Variants in CBFA2T3 observed in about 807,000 individuals in gnomAD.
CBFA2T3 encodes the protein transcriptional corepressor CBFA2T3.
In CBFA2T3, 31 loss-of-function variants were observed where a neutral mutation model predicts 58.6. The ratio of observed to expected loss-of-function variants is 0.53; its 90% CI spans 0.40 to 0.71. The LOEUF (loss-of-function observed/expected upper bound fraction) is 0.71. CBFA2T3 is among the 30% of genes least tolerant of loss of function. The probability of loss-of-function intolerance (pLI) is 0.00; values close to 1 mark genes in which losing one functional copy is unlikely to be tolerated. For missense variants in CBFA2T3, 1,076 were observed against 963.1 expected (o/e 1.12, Z -1.55); for synonymous variants, 531 against 421.9 (o/e 1.26, Z -3.17).
chr16:88,907,219 A>G (rs796468938), intron 1 of CBFA2T3, among the ~76,000 whole-genome samples: 3 of 152,114 alleles, frequency 2.0e-5, no homozygotes, highest in Non-Finnish European at 4.4e-5. Context: ...AGAAGAAAGC[A>G]TGGAATTTGG....
intron 1 of CBFA2T3, among the ~76,000 whole-genome samples, chr16:88,928,871 G>A (rs531918058): frequency 4.6e-5 from 7 of 152,324 alleles, no homozygotes; most frequent in African/African-American, 7.2e-5. Context: ...CCACGCAGGC[G>A]TCGGGGGGAG....
intron 1 of CBFA2T3, among the ~76,000 whole-genome samples, chr16:88,904,958 C>G (rs1050895442): frequency 5.3e-5 from 8 of 152,140 alleles, no homozygotes; most frequent in Non-Finnish European, 1.2e-4. Context: ...AACGTGTGGC[C>G]GGGACCTGCT....
intron 11 of CBFA2T3, 100 bp downstream of exon 11, chr16:88,879,170 G>A: frequency 9.6e-7 from 1 of 1,046,548 alleles, no homozygotes; most frequent in Non-Finnish European, 1.4e-6. Flanking sequence ...TGACAACTGT[G>A]CTGATGCCAC....
intron 3 of CBFA2T3, among the ~76,000 whole-genome samples, chr16:88,893,712 G>T (rs867817872): frequency 6.6e-6 from 1 of 152,222 alleles, no homozygotes. Flanking sequence ...TGCTATTGGG[G>T]TCAGTGTTCC....
At chr16:88,936,258 C>T (rs575646977) in intron 1 of CBFA2T3, among the ~76,000 whole-genome samples, 1 of 152,328 alleles carries the variant, frequency 6.6e-6, no homozygotes, top group East Asian at 1.9e-4. Flanking sequence ...AGGTATCTCC[C>T]ATCCTGGTCT....
At chr16:88,949,033 T>C (rs1567629113) in intron 1 of CBFA2T3, among the ~76,000 whole-genome samples, 1 of 152,226 alleles carries the variant, frequency 6.6e-6, no homozygotes, top group Non-Finnish European at 1.5e-5. Flanking sequence ...AAATGAATTA[T>C]ATACTCCTTA....
chr16:88,927,140 C>T (rs889780201), intron 1 of CBFA2T3, among the ~76,000 whole-genome samples: 6 of 152,212 alleles, frequency 3.9e-5, no homozygotes, highest in East Asian at 1.9e-4. Context: ...GCAGCAGCCC[C>T]GGGCGTACAG....
intron 1 of CBFA2T3, chr16:88,940,198 A>G: frequency 6.5e-6 from 1 of 154,102 alleles, no homozygotes; most frequent in South Asian, 2.0e-4. Context: ...AGGGTGAATG[A>G]GGGGTGGGCA....
intron 1 of CBFA2T3, among the ~76,000 whole-genome samples, chr16:88,909,536 C>T (rs186131707): frequency 6.6e-6 from 1 of 150,966 alleles, no homozygotes; most frequent in Non-Finnish European, 1.5e-5. Flanking sequence ...ACCATGACGG[C>T]AGCTGGGACA....
chr16:88,906,647 G>T (rs1275012519), intron 1 of CBFA2T3, among the ~76,000 whole-genome samples: 2 of 152,208 alleles, frequency 1.3e-5, no homozygotes, highest in South Asian at 2.1e-4. Flanking sequence ...CTAATGTCAC[G>T]GAGGAACCTG....
At chr16:88,924,637 T>G (rs1477191331) in intron 1 of CBFA2T3, among the ~76,000 whole-genome samples, 1 of 152,134 alleles carries the variant, frequency 6.6e-6, no homozygotes, top group Non-Finnish European at 1.5e-5. Flanking sequence ...ACAAGCCTTG[T>G]GGCTCCCAGA....
chr16:88,964,841 CCCAT>C (rs1403383806), intron 1 of CBFA2T3, among the ~76,000 whole-genome samples: 1 of 151,204 alleles, frequency 6.6e-6, no homozygotes, highest in Non-Finnish European at 1.5e-5. Context: ...TATCCACCCA[CCCAT>C]CCATCCACTC....
intron 1 of CBFA2T3, among the ~76,000 whole-genome samples, chr16:88,946,169 G>C (rs532654069): frequency 6.6e-6 from 1 of 152,076 alleles, no homozygotes; most frequent in African/African-American, 2.4e-5. Flanking sequence ...TTAGCTGGGC[G>C]TGGTGGCGGT....
At chr16:88,973,671 G>A (rs766432319) in intron 1 of CBFA2T3, among the ~76,000 whole-genome samples, 28 of 152,152 alleles carry the variant, frequency 1.8e-4, no homozygotes, top group Non-Finnish European at 3.1e-4. Flanking sequence ...CATTCCAGAG[G>A]ACAGCTGGGC....
intron 2 of CBFA2T3, 148 bp from the exon 3 acceptor site, chr16:88,898,300 GC>G: frequency 1.6e-6 from 1 of 637,122 alleles, no homozygotes; most frequent in Admixed American, 2.8e-5. Context: ...GGGCACCCGG[GC>G]CGCCTTTTCT....
In CBFA2T3 at chr16:88,876,587, TAG is replaced by T. The variant is rs10653475; in HGVS notation, c.*387_*388del. On this transcript the variant is annotated 3_prime_UTR_variant, in exon 12 of 12. Transcript: ENST00000268679. ...TTGAAGAGAAAGTGTGTGATAGTCA[TAG>T]AGAGAGAGAGGATAGAGAAGACAGA... The T allele has an allele frequency of 1.3e-4, 33 of 260,836 alleles. No homozygotes were observed. The highest frequency in any genetic ancestry group is 6.8e-4 in the South Asian group (4 of 5,894). The allele number at this position is 260,836 out of a possible 1,614,324, so 16.2% of individuals were successfully genotyped here. A position where few individuals can be genotyped will look rare whatever the true frequency, so the allele number is the denominator to read the frequency against.
intron 1 of CBFA2T3, among the ~76,000 whole-genome samples, chr16:88,905,732 G>A (rs1298864432): frequency 7.4e-6 from 1 of 134,434 alleles, no homozygotes; most frequent in African/African-American, 3.0e-5. Context: ...GCTGAAGGAG[G>A]GGCGGGACTG....
intron 9 of CBFA2T3, 143 bp from the exon 10 acceptor site, chr16:88,880,931 G>T: frequency 1.3e-6 from 1 of 779,584 alleles, no homozygotes; most frequent in South Asian, 1.6e-5. Flanking sequence ...CTCGGACAAG[G>T]TCTGGCTCAG....
intron 8 of CBFA2T3, 200 bp from the exon 9 acceptor site, chr16:88,881,689 G>C (rs59195308): frequency 1.8e-6 from 1 of 561,628 alleles, no homozygotes; most frequent in African/African-American, 1.9e-5. Flanking sequence ...AGCGCCTGGG[G>C]GTACCAGACT....
Sources: gnomAD v4.1 joint callset for allele counts (sites outside exome capture counted in the v4.1 genomes callset) on GRCh38, gnomAD v4.1.1 for gene constraint, MANE v1.5 for transcripts, NCBI Gene and HGNC (gene_info 2026-07-23, HGNC 2026-07-21) for gene names.